The following CLPB variants were observed in gnomAD, a reference collection of about 807,000 sequenced individuals.
The protein encoded by CLPB is mitochondrial disaggregase.
CLPB carries 40 observed loss-of-function variants against 78.4 expected under a neutral mutation model. The observed-to-expected ratio is 0.51, with a 90% CI of 0.40 to 0.66. The LOEUF (loss-of-function observed/expected upper bound fraction) is 0.66. Among genes scored for constraint, CLPB ranks in the 30% least tolerant of loss-of-function variants. The probability of loss-of-function intolerance (pLI) is 0.00; values close to 1 mark genes in which losing one functional copy is unlikely to be tolerated. For synonymous variants in CLPB, 333 were observed against 348.0 expected, an observed-to-expected ratio of 0.96 and a Z score of 0.48; for missense variants, 780 against 886.9, an observed-to-expected ratio of 0.88 and a Z score of 1.53.
At chr11:72,377,000 T>G (rs1416445520) in intron 4 of CLPB, among the ~76,000 whole-genome samples, 1 of 152,228 alleles carries the variant, frequency 6.6e-6, no homozygotes, top group South Asian at 2.1e-4. Flanking sequence ...ACTTGGGTAA[T>G]TACCGGGTAC....
chr11:72,422,335 C>T (rs1373161938), intron 2 of CLPB, among the ~76,000 whole-genome samples: 1 of 141,668 alleles, frequency 7.1e-6, no homozygotes, highest in African/African-American at 2.7e-5. Flanking sequence ...ACCCCATGAA[C>T]AATACTTGGA....
chr11:72,373,922 T>C (rs1376394641), intron 4 of CLPB, among the ~76,000 whole-genome samples: 1 of 146,550 alleles, frequency 6.8e-6, no homozygotes, highest in Non-Finnish European at 1.5e-5. Flanking sequence ...ATCATGTCAT[T>C]GCACTCCAGT....
chr11:72,368,571 CT>C (rs1950985787), intron 4 of CLPB, among the ~76,000 whole-genome samples: 2 of 152,238 alleles, frequency 1.3e-5, no homozygotes, highest in Admixed American at 1.3e-4. Flanking sequence ...ACTGATCTCC[CT>C]TTCCTCTATG....
rs1467710962 is a variant in CLPB, at chr11:72,290,356, T to C, written c.*3011A>G. On this transcript the variant is annotated 3_prime_UTR_variant, in exon 16 of 16. Coordinates refer to ENST00000538039, the MANE Select transcript of CLPB (RefSeq NM_001258392.3). ...AGATATCCACTCATTCATACTGATA[T>C]AAATTATCAAATAAATAAATGGGGA... The C allele has an allele frequency of 4.6e-5, 7 of 152,206 alleles. No individual in the cohort carries two copies. Among genetic ancestry groups the C allele is most frequent in the Admixed American group, 4.6e-4 (7 of 15,278 alleles). 9.4% of individuals were successfully genotyped at this position (152,206 alleles called of 1,614,324 possible).
At chr11:72,301,155 C>T (rs911127500) in intron 11 of CLPB, among the ~76,000 whole-genome samples, 1 of 152,156 alleles carries the variant, frequency 6.6e-6, no homozygotes, top group Non-Finnish European at 1.5e-5. Context: ...GTCTTTAGTA[C>T]AGGTCTAGTA....
At chr11:72,366,693 C>T (rs577994802) in intron 4 of CLPB, among the ~76,000 whole-genome samples, 1 of 152,094 alleles carries the variant, frequency 6.6e-6, no homozygotes, top group South Asian at 2.1e-4. Context: ...CAAATCAAAC[C>T]CACAATGAGA....
intron 5 of CLPB, chr11:72,353,014 G>A (rs1398353893): frequency 2.0e-5 from 3 of 152,318 alleles, no homozygotes; most frequent in Admixed American, 2.0e-4. Flanking sequence ...TTCAACAGAG[G>A]ACAGACAGCC....
chr11:72,427,377 A>G (rs79347579), intron 2 of CLPB, among the ~76,000 whole-genome samples: 67 of 152,260 alleles, frequency 4.4e-4, no homozygotes, highest in Admixed American at 1.0e-3. Context: ...CTAAATACTG[A>G]TATTATTGAC....
chr11:72,434,163 C>G lies in CLPB; in HGVS notation c.312G>C (p.Trp104Cys), dbSNP rs747589481. 1.2e-6 allele frequency: 2 copies of G among 1,613,088 alleles called. No individual in the cohort carries two copies. The highest frequency in any genetic ancestry group is 3.3e-5 in the Admixed American group (2 of 60,024). The change falls in exon 1 of 16, where the codon TGG (tryptophan) becomes TGC (cysteine). Residue 104 changes from tryptophan (W) to cysteine (C), a missense_variant. By Grantham distance (215) the Trp-to-Cys change is radical. This residue lies in a region of CLPB where 417 missense variants were observed against 414.7 expected (regional missense o/e 1.01). Coordinates refer to ENST00000538039, the MANE Select transcript of CLPB (RefSeq NM_001258392.3). ...PEETLPGQDSWNGVPSRAGLG... is the reference protein window; with the variant it reads ...PEETLPGQDSCNGVPSRAGLG... Reference sequence around the variant, plus strand: ...GTCCGGCCCTGCTGGGGACCCCGTTCCAGCTGTCCTGTCCTGGGAGTGTTT... The same window carrying G: ...GTCCGGCCCTGCTGGGGACCCCGTTGCAGCTGTCCTGTCCTGGGAGTGTTT...
At chr11:72,384,180 A>T (rs945463551) in intron 3 of CLPB, among the ~76,000 whole-genome samples, 2 of 152,146 alleles carry the variant, frequency 1.3e-5, no homozygotes, top group African/African-American at 4.8e-5. Context: ...CACCCCAAAA[A>T]CCTCACTGGT....
chr11:72,380,516 T>G (rs1465790798), intron 3 of CLPB, 132 bp from the exon 4 acceptor site: 7 of 694,852 alleles, frequency 1.0e-5, no homozygotes, highest in Non-Finnish European at 1.8e-5. Context: ...AAAAAAACCA[T>G]GAACTTTGGG....
At position 72,402,830 on chromosome 11, in the gene CLPB, T is replaced by A; in HGVS notation, c.542+136A>T. The A allele has an allele frequency of 7.5e-6, 5 of 665,468 alleles. 1 individual carries two copies. In the South Asian group the frequency reaches 9.3e-5, roughly 12 times the overall value. 41.2% of individuals were successfully genotyped at this position (665,468 alleles called of 1,614,324 possible). On this transcript the variant is annotated intron_variant, in intron 3 of 15. Transcript: ENST00000538039. ...ATACAGTCCAATGCACCAGGTGAAG[T>A]CCAGTACCTCAGTCTGAATCTATCT...
At chr11:72,345,171 C>T (rs1950489921) in intron 5 of CLPB, among the ~76,000 whole-genome samples, 1 of 152,120 alleles carries the variant, frequency 6.6e-6, no homozygotes, top group Non-Finnish European at 1.5e-5. Flanking sequence ...CCAGCAATAC[C>T]ACTTCTAAGA....
chr11:72,286,233 T>TG lies in CLPB; in HGVS notation c.*7133_*7134insC, dbSNP rs1033033544. ...TGAGATACTGCACCTGTTTTTTTTTTTTTTTTTTTTTTTAAGAGATAGGGT... is the reference window on the plus strand; with the variant it reads ...TGAGATACTGCACCTGTTTTTTTTTTGTTTTTTTTTTTTTAAGAGATAGGGT... On this transcript the variant is annotated 3_prime_UTR_variant, in exon 16 of 16. Coordinates refer to ENST00000538039, the MANE Select transcript of CLPB (RefSeq NM_001258392.3). 5.9e-5 allele frequency: 8 copies of TG among 135,216 alleles called. No homozygotes were observed. The highest frequency in any genetic ancestry group is 1.3e-4 in the Non-Finnish European group (8 of 62,812). The allele number at this position is 135,216 out of a possible 1,614,324, so 8.4% of individuals were successfully genotyped here. A position where few individuals can be genotyped will look rare whatever the true frequency, so the allele number is the denominator to read the frequency against.
At chr11:72,408,954 T>A (rs928469327) in intron 2 of CLPB, among the ~76,000 whole-genome samples, 5 of 152,224 alleles carry the variant, frequency 3.3e-5, no homozygotes, top group African/African-American at 1.2e-4. Flanking sequence ...CTCTCCCCTG[T>A]GATTTTCACC....
At chr11:72,344,235 G>T (rs1288474819) in intron 5 of CLPB, among the ~76,000 whole-genome samples, 1 of 151,940 alleles carries the variant, frequency 6.6e-6, no homozygotes, top group Admixed American at 6.6e-5. Context: ...TTGAGGCAGG[G>T]TCTCACTTTG....
chr11:72,294,192 G>C, intron 14 of CLPB, 66 bp from the exon 15 acceptor site: 1 of 1,606,824 alleles, frequency 6.2e-7, no homozygotes, highest in South Asian at 1.1e-5. Context: ...TGCCACTCTG[G>C]CCTGAGGCCA....
chr11:72,353,857 C>T (rs146478341), intron 5 of CLPB, among the ~76,000 whole-genome samples: 47 of 152,258 alleles, frequency 3.1e-4, no homozygotes, highest in African/African-American at 1.1e-3. Context: ...ATTAGGGCTC[C>T]AGTAGGGGAA....
chr11:72,355,567 C>A (rs1308609577), intron 5 of CLPB, among the ~76,000 whole-genome samples: 1 of 152,124 alleles, frequency 6.6e-6, no homozygotes, highest in Non-Finnish European at 1.5e-5. Flanking sequence ...TTTAGATGTA[C>A]GAAAACTGAG....
Sources: allele counts gnomAD v4.1 joint callset (sites outside exome capture counted in the v4.1 genomes callset), GRCh38; gene constraint gnomAD v4.1.1; regional missense constraint gnomAD v4.1.1; transcripts MANE v1.5; gene names NCBI Gene and HGNC (gene_info 2026-07-23, HGNC 2026-07-21).